KCNN2: variants seen among roughly 807,000 people sequenced by gnomAD.
The protein encoded by KCNN2 is small conductance calcium-activated potassium channel protein 2.
In KCNN2, 24 loss-of-function variants were observed where a neutral mutation model predicts 55.5. That is an observed-to-expected ratio of 0.43 (90% CI 0.31 to 0.61). The LOEUF (loss-of-function observed/expected upper bound fraction) is 0.61, where lower values mean the gene tolerates loss of function less well. KCNN2 is among the 20% of genes least tolerant of loss of function. KCNN2 has a pLI of 0.08. For missense variants in KCNN2, 754 were observed against 853.6 expected, an observed-to-expected ratio of 0.88 and a Z score of 1.45; for synonymous variants, 431 against 336.1, an observed-to-expected ratio of 1.28 and a Z score of -3.09.
chr5:114,107,540 A>G (rs2954367), intron 1 of KCNN2, among the ~76,000 whole-genome samples: 2,862 of 150,592 alleles, frequency 0.019, 108 homozygotes, highest in African/African-American at 0.066. Flanking sequence ...ATGCACAACC[A>G]TGCCTGGCTA....
In KCNN2 at chr5:114,184,433, AG is replaced by A. The variant is rs576291682; in HGVS notation, c.-270-37046del. ...ATGTAGAAAGAAAAATGGAGCTAAA[AG>A]ATGTTGAGATTGCAAATTCTGCAGT... On this transcript the variant is annotated intron_variant, in intron 1 of 10. Transcript: ENST00000512097. 3.1e-3 allele frequency among the ~76,000 whole-genome samples: 466 copies of A among 152,324 alleles called. 5 individuals carry two copies. The highest frequency in any genetic ancestry group is 1.9e-3 in the Non-Finnish European group (127 of 68,018).
chr5:114,163,436 G>A (rs1276933111), intron 1 of KCNN2, among the ~76,000 whole-genome samples: 1 of 152,110 alleles, frequency 6.6e-6, no homozygotes, highest in Non-Finnish European at 1.5e-5. Context: ...GTTATATATG[G>A]CTGTTATTAA....
chr5:114,056,901 C>A (rs569604535), intron 1 of KCNN2, among the ~76,000 whole-genome samples: 4 of 152,188 alleles, frequency 2.6e-5, no homozygotes, highest in African/African-American at 9.6e-5. Context: ...GGAGAGAGGG[C>A]AGAAGGTTGT....
At chr5:114,190,599 G>A (rs141934632) in intron 1 of KCNN2, among the ~76,000 whole-genome samples, 377 of 152,150 alleles carry the variant, frequency 2.5e-3, no homozygotes, top group African/African-American at 8.7e-3. Context: ...TATCTACATA[G>A]AACCCACTGT....
chr5:114,218,102 G>C (rs570921804), intron 1 of KCNN2, among the ~76,000 whole-genome samples: 1 of 152,330 alleles, frequency 6.6e-6, no homozygotes, highest in South Asian at 2.1e-4. Context: ...ACCAAATGCT[G>C]ACAAGGATAT....
At position 114,182,013 on chromosome 5, in the gene KCNN2, CAA is replaced by C. The variant is rs55837615; in HGVS notation, c.-270-39457_-270-39456del. Among the ~76,000 whole-genome samples, 12 of 150,502 alleles carry C rather than the reference CAA, an allele frequency of 8.0e-5. No homozygotes were observed. In the East Asian group the frequency reaches 9.7e-4, roughly 12 times the overall value. ...TGGGCAACAGAGGGAGAAGCTGTGT[CAA>C]AAAAAAAAATTAATTTTTGTGTATG... On this transcript the variant is annotated intron_variant, in intron 1 of 10. Transcript: ENST00000512097.
At chr5:114,148,336 A>G (rs966848216) in intron 1 of KCNN2, among the ~76,000 whole-genome samples, 7 of 152,144 alleles carry the variant, frequency 4.6e-5, no homozygotes, top group African/African-American at 1.7e-4. Flanking sequence ...CATTTTCCTG[A>G]CTTTTTTTGT....
At chr5:114,449,232 C>A (rs932865468) in intron 3 of KCNN2, among the ~76,000 whole-genome samples, 1 of 152,160 alleles carries the variant, frequency 6.6e-6, no homozygotes, top group African/African-American at 2.4e-5. Flanking sequence ...TCCCTCCTCT[C>A]CTTCTCCAGC....
At chr5:114,494,617 C>A (rs1013801576) in intron 7 of KCNN2, among the ~76,000 whole-genome samples, 2 of 152,020 alleles carry the variant, frequency 1.3e-5, no homozygotes, top group South Asian at 4.2e-4. Context: ...AATGAACAGA[C>A]CACATTGAAA....
intron 2 of KCNN2, among the ~76,000 whole-genome samples, chr5:114,399,533 C>T (rs1457647291): frequency 3.3e-5 from 5 of 152,098 alleles, no homozygotes; most frequent in Non-Finnish European, 5.9e-5. Flanking sequence ...CATCAACGTT[C>T]ATCAAGGATA....
At chr5:114,297,068 T>A (rs1487086973) in intron 2 of KCNN2, among the ~76,000 whole-genome samples, 1 of 152,216 alleles carries the variant, frequency 6.6e-6, no homozygotes, top group Non-Finnish European at 1.5e-5. Flanking sequence ...AAAGTATAAC[T>A]AATTTGTCAT....
chr5:114,238,233 A>T (rs1754545589), intron 2 of KCNN2, among the ~76,000 whole-genome samples: 1 of 152,216 alleles, frequency 6.6e-6, no homozygotes, highest in Non-Finnish European at 1.5e-5. Flanking sequence ...TTTTCAAAAG[A>T]TTTCCATTGT....
chr5:114,223,727 T>C (rs565503697), intron 2 of KCNN2, among the ~76,000 whole-genome samples: 1 of 152,158 alleles, frequency 6.6e-6, no homozygotes, highest in East Asian at 1.9e-4. Flanking sequence ...GAGGCTAGGG[T>C]TGGTTTTTAA....
rs547484975 is a variant in KCNN2 at position 114,201,108 on chromosome 5, T to C, written c.-270-20372T>C. Among the ~76,000 whole-genome samples the C allele has an allele frequency of 4.6e-5, 7 of 151,962 alleles. No homozygotes were observed. In the South Asian group the frequency reaches 1.5e-3, roughly 31 times the overall value. On this transcript the variant is annotated intron_variant, in intron 1 of 10. Coordinates refer to the KCNN2 transcript ENST00000512097. ...GTGGGTGGGTGATGGCTGTAGCAGCTGTGGAGCAATGCACTGGGACCCAAG... is the reference window on the plus strand; with the variant it reads ...GTGGGTGGGTGATGGCTGTAGCAGCCGTGGAGCAATGCACTGGGACCCAAG...
In KCNN2 at chr5:114,241,766, A is replaced by ATGTG. The variant is rs1754637829; in HGVS notation, c.-185+20202_-185+20203insGTGT. Among the ~76,000 whole-genome samples, 5 of 10,616 alleles carry ATGTG rather than the reference A, an allele frequency of 4.7e-4. 1 individual carries two copies. The highest frequency in any genetic ancestry group is 2.0e-3 in the African/African-American group (5 of 2,464). The allele number at this position is 10,616 out of a possible 152,430, so 7.0% of individuals were successfully genotyped here. On this transcript the variant is annotated intron_variant, in intron 2 of 10. Coordinates refer to the KCNN2 transcript ENST00000512097. ...CGTATATATATGTATATATATACGTATATATATACATATATACGTATATAT... is the reference window on the plus strand; with the variant it reads ...CGTATATATATGTATATATATACGTATGTGTATATATACATATATACGTATATAT...
intron 2 of KCNN2, among the ~76,000 whole-genome samples, chr5:114,306,704 T>TC (rs1756282859): frequency 2.0e-5 from 3 of 146,374 alleles, no homozygotes; most frequent in African/African-American, 5.1e-5. Context: ...TTTTTTCTTT[T>TC]TTTTTTTTTT....
chr5:114,161,562 G>T (rs573868082), intron 1 of KCNN2, among the ~76,000 whole-genome samples: 1 of 152,198 alleles, frequency 6.6e-6, no homozygotes, highest in African/African-American at 2.4e-5. Flanking sequence ...TTGCTAGATT[G>T]GGGAAGTTTT....
chr5:114,450,051 G>T (rs896171594), intron 3 of KCNN2, among the ~76,000 whole-genome samples: 13 of 152,272 alleles, frequency 8.5e-5, no homozygotes, highest in Admixed American at 3.9e-4. Flanking sequence ...AGCAGCTGTG[G>T]GGATAAACTG....
At chr5:114,375,952 G>GTGTATATATA (rs1249028214) in intron 2 of KCNN2, among the ~76,000 whole-genome samples, 1 of 104,722 alleles carries the variant, frequency 9.5e-6, no homozygotes, top group Non-Finnish European at 1.9e-5. Context: ...GACTCACAGT[G>GTGTATATATA]TATATATATA....
Sources: allele counts gnomAD v4.1 joint callset (sites outside exome capture counted in the v4.1 genomes callset), GRCh38; gene constraint gnomAD v4.1.1; transcripts MANE v1.5; gene names NCBI Gene and HGNC (gene_info 2026-07-23, HGNC 2026-07-21).